DMD: variants seen among roughly 807,000 people sequenced by gnomAD.
DMD encodes the protein mutant dystrophin.
In DMD, 63 loss-of-function variants were observed where a neutral mutation model predicts 330.1. The observed-to-expected ratio is 0.19, with a 90% CI of 0.16 to 0.24. The LOEUF (loss-of-function observed/expected upper bound fraction) is 0.24. Ranked by LOEUF, DMD falls within the 10% of genes least tolerant of loss-of-function variation. The pLI is 1.00. For synonymous variants in DMD, 1,223 were observed against 959.8 expected (o/e 1.27, Z -5.07); for missense variants, 3,344 against 2,684.1 (o/e 1.25, Z -5.43).
intron 39 of DMD, among the ~76,000 whole-genome samples, chrX:32,344,121 T>G (rs2097756549): frequency 8.9e-6 from 1 of 112,326 alleles, no homozygotes; most frequent in African/African-American, 3.2e-5. Flanking sequence ...ATATCTTCTG[T>G]GATTAATAGA....
chrX:31,559,640 CAAAAAAAA>C (rs1167550498), intron 55 of DMD, among the ~76,000 whole-genome samples: 12 of 21,638 alleles, frequency 5.5e-4, no homozygotes, highest in Admixed American at 1.4e-3. Flanking sequence ...AACTCCGTCT[CAAAAAAAA>C]AAAAAAAAAA....
At chrX:32,642,004 T>C (rs752778150) in intron 11 of DMD, among the ~76,000 whole-genome samples, 1 of 110,587 alleles carries the variant, frequency 9.0e-6, no homozygotes, top group African/African-American at 3.4e-5. Flanking sequence ...AAACCTAGAT[T>C]AGTTTTTTAA....
At chrX:32,401,655 C>T (rs962098479) in intron 30 of DMD, among the ~76,000 whole-genome samples, 5 of 111,564 alleles carry the variant, frequency 4.5e-5, no homozygotes, top group African/African-American at 1.6e-4. Flanking sequence ...TTTGCTAGAA[C>T]AGGATGACCA....
At chrX:33,041,333 C>T (rs1266170239) in intron 1 of DMD, 8 of 1,124,324 alleles carry the variant, frequency 7.1e-6, no homozygotes, top group Non-Finnish European at 9.6e-6. Context: ...ACCGCCTCTG[C>T]GCGTCGCCCT....
chrX:33,250,394 A>G (rs1451109923), intron 1 of DMD, among the ~76,000 whole-genome samples: 1 of 109,555 alleles, frequency 9.1e-6, no homozygotes, highest in Non-Finnish European at 1.9e-5. Flanking sequence ...TAATGCTGCC[A>G]CTGATATGAC....
chrX:31,981,608 C>T (rs775977176), intron 44 of DMD, among the ~76,000 whole-genome samples: 14 of 111,358 alleles, frequency 1.3e-4, no homozygotes, highest in Non-Finnish European at 7.5e-5. Flanking sequence ...ACCAGAAAGA[C>T]GAAGGTTCAC....
At chrX:33,277,884 G>A (rs1390174560) in intron 1 of DMD, among the ~76,000 whole-genome samples, 1 of 110,930 alleles carries the variant, frequency 9.0e-6, no homozygotes, top group Admixed American at 9.6e-5. Flanking sequence ...AAGGCGGGAG[G>A]ATCGCTGGAG....
intron 2 of DMD, among the ~76,000 whole-genome samples, chrX:32,885,973 A>G (rs1411905242): frequency 9.0e-6 from 1 of 110,891 alleles, no homozygotes; most frequent in Non-Finnish European, 1.9e-5. Context: ...ATTTGTAGTC[A>G]AGCTGAATAC....
intron 54 of DMD, among the ~76,000 whole-genome samples, chrX:31,644,229 T>C (rs745570724): frequency 8.9e-6 from 1 of 111,742 alleles, no homozygotes; most frequent in South Asian, 3.7e-4. Flanking sequence ...CTAATAAAAG[T>C]AGAAAAGACT....
At chrX:32,777,114 C>A (rs2074231405) in intron 7 of DMD, among the ~76,000 whole-genome samples, 1 of 107,101 alleles carries the variant, frequency 9.3e-6, no homozygotes, top group Non-Finnish European at 1.9e-5. Context: ...CCACAATTAT[C>A]TGAGTAATTA....
intron 57 of DMD, among the ~76,000 whole-genome samples, chrX:31,483,080 T>A (rs1481809627): frequency 2.2e-5 from 2 of 91,066 alleles, no homozygotes; most frequent in Non-Finnish European, 4.2e-5. Flanking sequence ...GGAGTCTCGC[T>A]CTGTCGCCCA....
At chrX:33,291,327 T>A (rs1029523775) in intron 1 of DMD, among the ~76,000 whole-genome samples, 1 of 111,258 alleles carries the variant, frequency 9.0e-6, no homozygotes, top group East Asian at 2.8e-4. Flanking sequence ...CTGGAAGCAT[T>A]CACTTTGAAA....
At chrX:31,486,252 T>C (rs1055234704) in intron 57 of DMD, among the ~76,000 whole-genome samples, 7 of 112,462 alleles carry the variant, frequency 6.2e-5, no homozygotes, top group African/African-American at 2.3e-4. Context: ...TCAGTAAACA[T>C]TGTTGACTAA....
At position 31,594,491 on chromosome X, in the gene DMD, G is replaced by C. The variant is rs73454000; in HGVS notation, c.8217+33182C>G. 5.8e-3 allele frequency among the ~76,000 whole-genome samples: 643 copies of C among 111,413 alleles called. 4 individuals carry two copies. The highest frequency in any genetic ancestry group is 0.02 in the African/African-American group (609 of 30,807). On this transcript the variant is annotated intron_variant, in intron 55 of 78. Coordinates refer to ENST00000357033, the MANE Select transcript of DMD (RefSeq NM_004006.3). ...ATCATCAAAAAAATGTTGTTTGAAT[G>C]CTTAAGATGCTTAATGTGTTTTGTA...
intron 1 of DMD, among the ~76,000 whole-genome samples, chrX:33,217,652 C>A (rs965229080): frequency 1.8e-5 from 2 of 111,554 alleles, no homozygotes; most frequent in Non-Finnish European, 3.8e-5. Flanking sequence ...ATCTACCCAA[C>A]GAACAGATTC....
intron 4 of DMD, among the ~76,000 whole-genome samples, chrX:32,828,964 T>C (rs1309956592): frequency 1.8e-5 from 2 of 111,741 alleles, no homozygotes; most frequent in African/African-American, 6.5e-5. Flanking sequence ...TTCTATATGG[T>C]AGTTTTCTTT....
At chrX:32,584,759 G>T (rs1055501946) in intron 13 of DMD, among the ~76,000 whole-genome samples, 6 of 111,894 alleles carry the variant, frequency 5.4e-5, no homozygotes, top group African/African-American at 1.9e-4. Flanking sequence ...TACCTTTGAG[G>T]AGATGGGAAG....
intron 60 of DMD, among the ~76,000 whole-genome samples, chrX:31,354,561 A>G (rs950728396): frequency 8.9e-6 from 1 of 112,046 alleles, no homozygotes; most frequent in Non-Finnish European, 1.9e-5. Flanking sequence ...GTTTTACTCT[A>G]GTTTTTAAAT....
intron 61 of DMD, among the ~76,000 whole-genome samples, chrX:31,337,556 T>G (rs1030436907): frequency 1.7e-4 from 19 of 112,578 alleles, no homozygotes; most frequent in Middle Eastern, 4.6e-3. Flanking sequence ...TAATGATTCT[T>G]GCCCACAGGG....
Sources: allele counts gnomAD v4.1 joint callset (sites outside exome capture counted in the v4.1 genomes callset), GRCh38; gene constraint gnomAD v4.1.1; transcripts MANE v1.5; gene names NCBI Gene and HGNC (gene_info 2026-07-23, HGNC 2026-07-21).